Variants in FHIT observed in about 807,000 individuals in gnomAD.
FHIT encodes bis(5'-adenosyl)-triphosphatase.
In FHIT, 19 loss-of-function variants were observed where a neutral mutation model predicts 17.9. The ratio of observed to expected loss-of-function variants is 1.06; its 90% CI spans 0.74 to 1.56. The LOEUF is 1.56. Among genes scored for constraint, FHIT ranks in the 40% most tolerant of loss-of-function variants. The pLI, the probability that FHIT is intolerant of heterozygous loss-of-function variation, is 0.00. For synonymous variants in FHIT, 81 were observed against 69.7 expected (o/e 1.16, Z -0.81); for missense variants, 248 against 189.2 (o/e 1.31, Z -1.82).
chr3:60,429,659 C>A (rs1288602996), intron 5 of FHIT, among the ~76,000 whole-genome samples: 2 of 151,858 alleles, frequency 1.3e-5, no homozygotes, highest in African/African-American at 4.8e-5. Flanking sequence ...ATGGAGGGAA[C>A]CCATAAACCC....
intron 5 of FHIT, among the ~76,000 whole-genome samples, chr3:60,271,613 T>G (rs890147283): frequency 1.3e-5 from 2 of 152,196 alleles, no homozygotes; most frequent in African/African-American, 4.8e-5. Flanking sequence ...CACTATCAAG[T>G]GCACGGAAAG....
intron 2 of FHIT, among the ~76,000 whole-genome samples, chr3:61,186,434 G>A (rs996992516): frequency 2.0e-5 from 3 of 152,210 alleles, no homozygotes; most frequent in Non-Finnish European, 4.4e-5. Context: ...CCCCCAGGAA[G>A]GAGGAATACA....
intron 3 of FHIT, among the ~76,000 whole-genome samples, chr3:60,912,227 G>A (rs1553766078): frequency 6.6e-6 from 1 of 152,138 alleles, no homozygotes; most frequent in African/African-American, 2.4e-5. Context: ...GTAATCTGAA[G>A]GCCTGAAGCT....
At chr3:59,878,190 C>T (rs922499345) in intron 8 of FHIT, among the ~76,000 whole-genome samples, 2 of 152,050 alleles carry the variant, frequency 1.3e-5, no homozygotes, top group African/African-American at 4.8e-5. Flanking sequence ...TCTGTGGTTG[C>T]ATTTCACTGC....
At chr3:60,368,195 TAAAAAAA>T (rs763718560) in intron 5 of FHIT, among the ~76,000 whole-genome samples, 1 of 140,808 alleles carries the variant, frequency 7.1e-6, no homozygotes, top group Non-Finnish European at 1.5e-5. Context: ...CATATCTTTT[TAAAAAAA>T]AAAAAAAAAA....
At chr3:61,198,534 T>TG (rs147622327) in intron 2 of FHIT, among the ~76,000 whole-genome samples, 62,844 of 151,238 alleles carry the variant, frequency 0.42, 13,429 homozygotes, top group East Asian at 0.55. Context: ...AAAAAATTGG[T>TG]GGGGGGGTTC....
At position 60,919,607 on chromosome 3, in the gene FHIT, CAG is replaced by C. The variant is rs1707175769; in HGVS notation, c.-110-97598_-110-97597del. On this transcript the variant is annotated intron_variant, in intron 3 of 9. Transcript: ENST00000492590. ...AGAACTGCCCAAGCAAAGAGCAAAG[CAG>C]AGAGTGGGTAGGAAAGGATAAATTG... is the stretch of plus-strand genomic sequence containing the variant. Among the ~76,000 whole-genome samples, 2 of 152,014 alleles carry C rather than the reference CAG, an allele frequency of 1.3e-5. 1 individual carries two copies. The highest frequency in any genetic ancestry group is 4.2e-4 in the South Asian group (2 of 4,816).
intron 5 of FHIT, among the ~76,000 whole-genome samples, chr3:60,032,171 C>G (rs1479754943): frequency 6.6e-6 from 1 of 152,264 alleles, no homozygotes; most frequent in African/African-American, 2.4e-5. Flanking sequence ...TATTAAATAA[C>G]ATGAATTTCC....
chr3:60,057,732 G>A (rs986859041), intron 5 of FHIT, among the ~76,000 whole-genome samples: 1 of 150,756 alleles, frequency 6.6e-6, no homozygotes, highest in East Asian at 1.9e-4. Context: ...AAACTCACCA[G>A]ATCACCACAT....
intron 4 of FHIT, among the ~76,000 whole-genome samples, chr3:60,812,520 T>A (rs1222425530): frequency 1.3e-5 from 2 of 152,090 alleles, no homozygotes; most frequent in East Asian, 3.9e-4. Flanking sequence ...AATTTATACT[T>A]CAGGGTACTC....
chr3:60,191,037 C>T (rs1702381738), intron 5 of FHIT, among the ~76,000 whole-genome samples: 1 of 152,030 alleles, frequency 6.6e-6, no homozygotes, highest in South Asian at 2.1e-4. Context: ...ATCTGCTTTG[C>T]TTCCAGGAGA....
At chr3:60,469,077 G>A (rs2032948721) in intron 5 of FHIT, among the ~76,000 whole-genome samples, 1 of 151,918 alleles carries the variant, frequency 6.6e-6, no homozygotes, top group Admixed American at 6.6e-5. Flanking sequence ...TTCTCTTGCT[G>A]CTTTTAGGAT....
chr3:61,099,344 G>A lies in FHIT; in HGVS notation c.-163-57245C>T, dbSNP rs533318552. Among the ~76,000 whole-genome samples, 11 of 152,116 alleles carry A rather than the reference G, an allele frequency of 7.2e-5. No homozygotes were observed. The East Asian group carries it at 1.7e-3, about 24-fold the overall frequency. On this transcript the variant is annotated intron_variant, in intron 2 of 9. Transcript: ENST00000492590. ...TGCTAGCATTAGGTCAAAGATTTTT[G>A]CATCAATATTCATCAAGGATATTGG...
chr3:60,079,719 C>T (rs889213760), intron 5 of FHIT, among the ~76,000 whole-genome samples: 3 of 152,052 alleles, frequency 2.0e-5, no homozygotes, highest in African/African-American at 7.2e-5. Context: ...ACTTCACCAC[C>T]TGTCAAGTTT....
In FHIT at chr3:60,893,587, T is replaced by C. The variant is rs533768111; in HGVS notation, c.-110-71576A>G. 3.2e-3 allele frequency among the ~76,000 whole-genome samples: 492 copies of C among 152,318 alleles called. 5 individuals are homozygous for C. Among genetic ancestry groups the C allele is most frequent in the African/African-American group, 0.011 (473 of 41,588 alleles). On this transcript the variant is annotated intron_variant, in intron 3 of 9. Transcript: ENST00000492590. ...CTCTTTCCTGATAGTTTCCTTTGTG[T>C]GACAAGATTTGCCACAGATGTAGGC...
intron 2 of FHIT, among the ~76,000 whole-genome samples, chr3:61,058,107 C>T (rs1371843209): frequency 1.3e-5 from 2 of 152,062 alleles, no homozygotes; most frequent in Admixed American, 6.6e-5. Flanking sequence ...AAAGGATTCA[C>T]TGAGATAATC....
chr3:60,561,896 A>G (rs1045786485), intron 4 of FHIT, among the ~76,000 whole-genome samples: 1 of 151,462 alleles, frequency 6.6e-6, no homozygotes, highest in African/African-American at 2.4e-5. Flanking sequence ...GAAAGAAAAG[A>G]AAAAAAAAGA....
intron 5 of FHIT, among the ~76,000 whole-genome samples, chr3:60,338,624 G>A (rs1001510718): frequency 7.2e-5 from 11 of 152,128 alleles, no homozygotes; most frequent in African/African-American, 9.7e-5. Flanking sequence ...ACCACATAAA[G>A]ACTTGCAGTT....
At chr3:60,984,647 C>G (rs1385954204) in intron 3 of FHIT, among the ~76,000 whole-genome samples, 1 of 152,026 alleles carries the variant, frequency 6.6e-6, no homozygotes, top group Non-Finnish European at 1.5e-5. Flanking sequence ...TAGTAAGTTC[C>G]AAACTAAAGG....
Sources: gnomAD v4.1 joint callset for allele counts (sites outside exome capture counted in the v4.1 genomes callset) on GRCh38, gnomAD v4.1.1 for gene constraint, MANE v1.5 for transcripts, NCBI Gene and HGNC (gene_info 2026-07-23, HGNC 2026-07-21) for gene names.